PRSS23: variants seen among roughly 807,000 people sequenced by gnomAD.
The protein encoded by PRSS23 is serine protease 23.
Under a neutral mutation model 34.7 loss-of-function variants are expected in PRSS23, and 25 were observed. The ratio of observed to expected loss-of-function variants is 0.72; its 90% CI spans 0.53 to 1.01. The LOEUF is 1.01. Among genes scored for constraint, PRSS23 ranks in the 50% least tolerant of loss-of-function variants. The pLI is 0.00. For missense variants in PRSS23, 445 were observed against 475.6 expected (o/e 0.94, Z 0.60); for synonymous variants, 176 against 186.6 (o/e 0.94, Z 0.46).
At chr11:86,881,166 A>G (rs1948769780) in intron 2 of PRSS23, among the ~76,000 whole-genome samples, 2 of 151,440 alleles carry the variant, frequency 1.3e-5, no homozygotes. Context: ...TAAGTAGGAT[A>G]TTAACTGTGA....
rs993525878 is a variant in PRSS23, at chr11:86,847,352, T to C, written c.206+23759T>C. Among the ~76,000 whole-genome samples, 32 of 152,200 alleles carry C rather than the reference T, an allele frequency of 2.1e-4. 2 individuals carry two copies. Among genetic ancestry groups the C allele is most frequent in the African/African-American group, 7.7e-4 (32 of 41,448 alleles). On this transcript the variant is annotated intron_variant, in intron 2 of 2. Coordinates refer to the PRSS23 transcript ENST00000533902. The stretch of plus-strand genomic sequence containing the variant: ...TTGCCACCCTGGAACAGGTTGGATG[T>C]ATTGGCAGAAGGACCATAATAAATC...
downstream of PRSS23, among the ~76,000 whole-genome samples, chr11:86,813,239 A>AT (rs1948192762): frequency 6.6e-6 from 1 of 152,186 alleles, no homozygotes. Flanking sequence ...AAGCCCAGTC[A>AT]TCTTGTTTCC....
chr11:86,846,791 G>T (rs753340164), intron 2 of PRSS23, among the ~76,000 whole-genome samples: 2 of 152,158 alleles, frequency 1.3e-5, no homozygotes, highest in Non-Finnish European at 2.9e-5. Flanking sequence ...CCTGTTCATG[G>T]TGCCCTCTAG....
chr11:86,926,191 C>T lies in PRSS23; in HGVS notation c.207-25025C>T, dbSNP rs919608460. Reference sequence around the variant, plus strand: ...CAGCCTGACCAATATGGTGAAACCCCGTCTCCACTAAAAATACAAAAATTA... The same window carrying T: ...CAGCCTGACCAATATGGTGAAACCCTGTCTCCACTAAAAATACAAAAATTA... On this transcript the variant is annotated intron_variant, in intron 2 of 2. Coordinates refer to the PRSS23 transcript ENST00000533902. Among the ~76,000 whole-genome samples, 9 of 152,148 alleles carry T rather than the reference C, an allele frequency of 5.9e-5. No homozygotes were observed. The South Asian group carries it at 1.7e-3, about 28-fold the overall frequency.
intron 1 of PRSS23, among the ~76,000 whole-genome samples, chr11:86,806,122 G>A (rs58272779): frequency 0.024 from 3,664 of 152,302 alleles, 105 homozygotes; most frequent in East Asian, 0.15. Context: ...ATACCTTGCA[G>A]TATAAAATCC....
chr11:86,864,868 T>C (rs1231634309), intron 2 of PRSS23, among the ~76,000 whole-genome samples: 1 of 152,234 alleles, frequency 6.6e-6, no homozygotes, highest in Non-Finnish European at 1.5e-5. Flanking sequence ...TTCCAGTCTC[T>C]CTCTGAGTCT....
At chr11:86,880,463 AAAGAT>A (rs1439951014) in intron 2 of PRSS23, among the ~76,000 whole-genome samples, 2 of 150,838 alleles carry the variant, frequency 1.3e-5, no homozygotes, top group Non-Finnish European at 3.0e-5. Flanking sequence ...AAAAAAATAA[AAAGAT>A]AAGCCAAAAA....
At chr11:86,840,501 C>A (rs1482706983) in intron 2 of PRSS23, among the ~76,000 whole-genome samples, 1 of 152,156 alleles carries the variant, frequency 6.6e-6, no homozygotes, top group Admixed American at 6.5e-5. Context: ...GACTCCCACA[C>A]AATAATAATG....
chr11:86,824,942 C>G (rs1041269859), intron 2 of PRSS23, among the ~76,000 whole-genome samples: 5 of 152,024 alleles, frequency 3.3e-5, no homozygotes, highest in East Asian at 3.9e-4. Flanking sequence ...ATAAACATAC[C>G]TGTGTATGTG....
chr11:86,922,443 C>G (rs1353660790), intron 2 of PRSS23, among the ~76,000 whole-genome samples: 2 of 151,898 alleles, frequency 1.3e-5, no homozygotes, highest in Non-Finnish European at 2.9e-5. Context: ...AGAGACCAAC[C>G]TGGGCAACAT....
chr11:86,828,901 A>G lies in PRSS23; in HGVS notation c.206+5308A>G, dbSNP rs11501851. 8.7e-3 allele frequency among the ~76,000 whole-genome samples: 1,320 copies of G among 152,222 alleles called. 32 individuals carry two copies. The highest frequency in any genetic ancestry group is 0.03 in the African/African-American group (1,239 of 41,526). ...ATGGGCTTCCGTTTGTGGGTAACCC[A>G]ACCTTTCTCTCTGGCTGCCCTTAAC... is the stretch of plus-strand genomic sequence containing the variant. On this transcript the variant is annotated intron_variant, in intron 2 of 2. Transcript: ENST00000533902.
chr11:86,918,817 G>A (rs898120762), intron 2 of PRSS23, among the ~76,000 whole-genome samples: 3 of 152,184 alleles, frequency 2.0e-5, no homozygotes, highest in African/African-American at 4.8e-5. Context: ...CTTGGTATCT[G>A]AATTTTTGTA....
At chr11:86,821,011 C>A (rs1948247843) in intron 1 of PRSS23, 1 of 178,186 alleles carries the variant, frequency 5.6e-6, no homozygotes, top group Non-Finnish European at 1.2e-5. Flanking sequence ...AAAGGCAAAC[C>A]CAGCATACAA....
At chr11:86,800,708 G>A in intron 1 of PRSS23, 57 bp downstream of exon 1, 1 of 937,340 alleles carries the variant, frequency 1.1e-6, no homozygotes, top group East Asian at 1.2e-4. Flanking sequence ...CGAGGCGCCG[G>A]GAGGAGCGGG....
chr11:86,825,961 C>T (rs1374937765), intron 2 of PRSS23, among the ~76,000 whole-genome samples: 11 of 152,102 alleles, frequency 7.2e-5, no homozygotes, highest in South Asian at 4.2e-4. Context: ...CTTGGCAATG[C>T]GGGATCTTTT....
chr11:86,812,787 CAAAAA>C (rs35855610), downstream of PRSS23, among the ~76,000 whole-genome samples: 4 of 83,920 alleles, frequency 4.8e-5, no homozygotes, highest in East Asian at 3.1e-4. Flanking sequence ...GACTCTGTCT[CAAAAA>C]AAAAAAAAAA....
chr11:86,887,546 C>G (rs1948811093), intron 2 of PRSS23, among the ~76,000 whole-genome samples: 2 of 152,174 alleles, frequency 1.3e-5, no homozygotes, highest in South Asian at 4.2e-4. Context: ...CATGGAACAC[C>G]CCTTTACGGA....
chr11:86,915,445 A>G lies in PRSS23; in HGVS notation c.207-35771A>G, dbSNP rs1167934717. On this transcript the variant is annotated intron_variant, in intron 2 of 2. Coordinates refer to the PRSS23 transcript ENST00000533902. ...CAGTAATAATACAGTAATAATGTCT[A>G]CTCTGGAGGCTTATAAGGAAATGAG... Among the ~76,000 whole-genome samples, 4 of 151,658 alleles carry G rather than the reference A, an allele frequency of 2.6e-5. No individual in the cohort carries two copies. In the South Asian group the frequency reaches 8.3e-4, roughly 32 times the overall value.
intron 2 of PRSS23, among the ~76,000 whole-genome samples, chr11:86,847,108 G>A (rs536743192): frequency 6.6e-6 from 1 of 152,270 alleles, no homozygotes; most frequent in East Asian, 1.9e-4. Context: ...ACCACCTTGA[G>A]AGGGGGGCTT....
Sources: allele counts gnomAD v4.1 joint callset (sites outside exome capture counted in the v4.1 genomes callset), GRCh38; gene constraint gnomAD v4.1.1; transcripts MANE v1.5; gene names NCBI Gene and HGNC (gene_info 2026-07-23, HGNC 2026-07-21).